KLHL14: variants seen among roughly 807,000 people sequenced by gnomAD.
KLHL14 encodes the protein kelch-like protein 14.
KLHL14 carries 22 observed loss-of-function variants against 64.3 expected under a neutral mutation model. That is an observed-to-expected ratio of 0.34 (90% CI 0.24 to 0.49). KLHL14 has a LOEUF of 0.49. KLHL14 is among the 20% of genes least tolerant of loss of function. The pLI is 0.99. For missense variants in KLHL14, 661 were observed against 789.0 expected (o/e 0.84, Z 1.94); for synonymous variants, 322 against 333.4 (o/e 0.97, Z 0.37).
chr18:32,757,501 GTT>G, intron 2 of KLHL14, among the ~76,000 whole-genome samples: 1 of 152,186 alleles, frequency 6.6e-6, no homozygotes, highest in South Asian at 2.1e-4. Flanking sequence ...GAGAGCTGCT[GTT>G]TTTTGTTTTG....
chr18:32,716,898 T>C (rs1308973316), intron 3 of KLHL14, among the ~76,000 whole-genome samples: 3 of 152,250 alleles, frequency 2.0e-5, no homozygotes, highest in Non-Finnish European at 2.9e-5. Flanking sequence ...TAGTTTAATT[T>C]TAATTTTCTA....
intron 2 of KLHL14, among the ~76,000 whole-genome samples, chr18:32,763,121 T>TTTC (rs1250585502): frequency 7.2e-5 from 11 of 151,870 alleles, no homozygotes; most frequent in African/African-American, 2.7e-4. Flanking sequence ...TTTTTTTTTT[T>TTTC]TTCATAGTTA....
chr18:32,695,331 T>C (rs2049931381), intron 4 of KLHL14, 132 bp downstream of exon 4: 1 of 659,182 alleles, frequency 1.5e-6, no homozygotes, highest in South Asian at 1.8e-5. Flanking sequence ...CAGCCCCATC[T>C]CCTTACTACT....
intron 3 of KLHL14, among the ~76,000 whole-genome samples, chr18:32,736,522 C>T (rs1001202180): frequency 1.4e-4 from 21 of 152,004 alleles, no homozygotes; most frequent in African/African-American, 5.1e-4. Context: ...CTGTTTTTTT[C>T]AGTAACCCTG....
intron 3 of KLHL14, among the ~76,000 whole-genome samples, chr18:32,741,195 ACT>A (rs1320322075): frequency 6.6e-6 from 1 of 152,160 alleles, no homozygotes; most frequent in Non-Finnish European, 1.5e-5. Context: ...CCACGAGGGG[ACT>A]GGTGCACACA....
At chr18:32,690,323 A>G (rs1271347996) in intron 4 of KLHL14, among the ~76,000 whole-genome samples, 1 of 152,208 alleles carries the variant, frequency 6.6e-6, no homozygotes, top group East Asian at 1.9e-4. Context: ...GAATGGCAAT[A>G]AAGACAAAAC....
intron 3 of KLHL14, among the ~76,000 whole-genome samples, chr18:32,731,488 G>C (rs530871566): frequency 1.3e-5 from 2 of 152,226 alleles, no homozygotes; most frequent in East Asian, 3.9e-4. Flanking sequence ...TCTACTTGAG[G>C]GGGAGGGTGG....
chr18:32,741,432 C>T (rs2144530001), intron 3 of KLHL14, among the ~76,000 whole-genome samples: 1 of 152,296 alleles, frequency 6.6e-6, no homozygotes, highest in South Asian at 2.1e-4. Flanking sequence ...TCCATTCAAA[C>T]TATGCAGCAG....
chr18:32,686,239 C>T (rs2049878673), intron 5 of KLHL14, among the ~76,000 whole-genome samples: 1 of 144,948 alleles, frequency 6.9e-6, no homozygotes, highest in African/African-American at 2.6e-5. Context: ...CCATCTTGGC[C>T]AGGTTGGTCA....
chr18:32,765,408 T>C (rs1247056203), intron 2 of KLHL14, among the ~76,000 whole-genome samples: 4 of 152,210 alleles, frequency 2.6e-5, no homozygotes, highest in African/African-American at 9.6e-5. Context: ...GGCATTAGTA[T>C]CCTTTTTAAT....
chr18:32,749,500 C>T (rs1300151766), intron 2 of KLHL14, among the ~76,000 whole-genome samples: 2 of 152,114 alleles, frequency 1.3e-5, no homozygotes, highest in Non-Finnish European at 2.9e-5. Flanking sequence ...AAATAAATGC[C>T]TTCTACTTGT....
intron 3 of KLHL14, among the ~76,000 whole-genome samples, chr18:32,707,462 C>T (rs2049996125): frequency 6.6e-6 from 1 of 152,230 alleles, no homozygotes; most frequent in African/African-American, 2.4e-5. Flanking sequence ...CTTTGGCTGG[C>T]ATCTGAGAAC....
chr18:32,730,140 T>C (rs555230856), intron 3 of KLHL14, among the ~76,000 whole-genome samples: 1 of 152,378 alleles, frequency 6.6e-6, no homozygotes, highest in East Asian at 1.9e-4. Context: ...AACTGGCTTA[T>C]ATCTAATGAC....
At position 32,703,008 on chromosome 18, in the gene KLHL14, C is replaced by G. The variant is rs149366561; in HGVS notation, c.1070-7456G>C. 1.2e-3 allele frequency among the ~76,000 whole-genome samples: 178 copies of G among 152,286 alleles called. 1 individual carries two copies. The highest frequency in any genetic ancestry group is 3.7e-3 in the African/African-American group (153 of 41,560). On this transcript the variant is annotated intron_variant, in intron 3 of 8. Coordinates refer to ENST00000359358, the MANE Select transcript of KLHL14 (RefSeq NM_020805.3). The stretch of plus-strand genomic sequence containing the variant: ...GGTCAGTTTTCTTGACTATGAGGAT[C>G]GTTTCATCACTCCCTCATCTTTGCA...
intron 1 of KLHL14, chr18:32,771,119 G>A (rs1307293789): frequency 4.9e-6 from 1 of 202,138 alleles, no homozygotes; most frequent in African/African-American, 2.4e-5. Context: ...GTCAACTTGT[G>A]CCCGAAGCTT....
chr18:32,726,747 T>C (rs1483885681), intron 3 of KLHL14, among the ~76,000 whole-genome samples: 3 of 152,214 alleles, frequency 2.0e-5, no homozygotes, highest in Non-Finnish European at 4.4e-5. Context: ...CTGCATTCTT[T>C]CAAGGGACAT....
At chr18:32,699,670 C>G (rs1350825204) in intron 3 of KLHL14, among the ~76,000 whole-genome samples, 2 of 152,140 alleles carry the variant, frequency 1.3e-5, no homozygotes, top group African/African-American at 4.8e-5. Context: ...CAAGTAATTA[C>G]TGAGTTCCTG....
chr18:32,673,602 C>T lies in KLHL14; in HGVS notation c.*1055G>A, dbSNP rs1481161305. 5.3e-5 allele frequency: 8 copies of T among 152,244 alleles called. No homozygotes were observed. The highest frequency in any genetic ancestry group is 1.9e-4 in the East Asian group (1 of 5,174). 9.4% of individuals were successfully genotyped at this position (152,244 alleles called of 1,614,324 possible). A position where few individuals can be genotyped will look rare whatever the true frequency, so the allele number is the denominator to read the frequency against. On this transcript the variant is annotated 3_prime_UTR_variant, in exon 9 of 9. Transcript: ENST00000359358. ...CGTAAGTCAAGTGTCTAGAGGCACC[C>T]GAAGGTGAGGAAGAGGAGAAGTATT... is the stretch of plus-strand genomic sequence containing the variant.
chr18:32,717,726 T>C (rs1367943589), intron 3 of KLHL14, among the ~76,000 whole-genome samples: 1 of 152,220 alleles, frequency 6.6e-6, no homozygotes, highest in African/African-American at 2.4e-5. Flanking sequence ...TCTGTAGAAC[T>C]TCCCTTGAAT....
Sources: allele counts gnomAD v4.1 joint callset (sites outside exome capture counted in the v4.1 genomes callset), GRCh38; gene constraint gnomAD v4.1.1; transcripts MANE v1.5; gene names NCBI Gene and HGNC (gene_info 2026-07-23, HGNC 2026-07-21).